Variants in VWA5B1 observed in about 807,000 individuals in gnomAD.
VWA5B1 encodes von Willebrand factor A domain-containing protein 5B1.
Under a neutral mutation model 118.2 loss-of-function variants are expected in VWA5B1, and 115 were observed. The observed-to-expected ratio is 0.97, with a 90% CI of 0.84 to 1.14. VWA5B1 has a LOEUF of 1.14. VWA5B1 is among the 50% of genes most tolerant of loss of function. The pLI, the probability that VWA5B1 is intolerant of heterozygous loss-of-function variation, is 0.00. For synonymous variants in VWA5B1, 682 were observed against 658.4 expected, an observed-to-expected ratio of 1.04 and a Z score of -0.55; for missense variants, 1,596 against 1,603.8, an observed-to-expected ratio of 1.00 and a Z score of 0.08.
rs1398771362 is a variant in VWA5B1, at chr1:20,330,763, GC to G, written c.1458-104del. ...CCCTCTCCCTCTACCTGAATATAGG[GC>G]CAGCTCCAAGATCCTGCCAGACCAT... On this transcript the variant is annotated intron_variant, in intron 10 of 21. Coordinates refer to ENST00000289815, the MANE Select transcript of VWA5B1 (RefSeq NM_001039500.3). 4 of 1,159,708 alleles carry G rather than the reference GC, an allele frequency of 3.4e-6. No homozygotes were observed. The East Asian group carries it at 7.7e-5, about 22-fold the overall frequency. The allele number at this position is 1,159,708 out of a possible 1,614,324, so 71.8% of individuals were successfully genotyped here. A position where few individuals can be genotyped will look rare whatever the true frequency, so the allele number is the denominator to read the frequency against.
chr1:20,331,430 C>T (rs1266150673), intron 11 of VWA5B1, among the ~76,000 whole-genome samples: 1 of 152,148 alleles, frequency 6.6e-6, no homozygotes, highest in African/African-American at 2.4e-5. Context: ...CCTTGTCAGT[C>T]CAGTAAACAA....
chr1:20,319,070 T>C (rs550044087), intron 6 of VWA5B1, among the ~76,000 whole-genome samples: 24 of 152,344 alleles, frequency 1.6e-4, no homozygotes, highest in Middle Eastern at 3.4e-3. Flanking sequence ...AATTCTTGTC[T>C]GTTCAAGAAT....
chr1:20,350,703 C>T (rs78253784), intron 19 of VWA5B1, among the ~76,000 whole-genome samples, 154 bp from the exon 20 acceptor site: 8,109 of 152,252 alleles, frequency 0.053, 237 homozygotes, highest in Middle Eastern at 0.092. Flanking sequence ...CCAACTGGAG[C>T]GGAAGGAGCT....
chr1:20,334,621 GCCA>G (rs2089663213), intron 12 of VWA5B1, among the ~76,000 whole-genome samples: 1 of 152,074 alleles, frequency 6.6e-6, no homozygotes, highest in African/African-American at 2.4e-5. Context: ...GACCAGCCTG[GCCA>G]ACATGGTGAA....
chr1:20,309,684 G>A (rs2088783951), intron 1 of VWA5B1, among the ~76,000 whole-genome samples: 2 of 152,186 alleles, frequency 1.3e-5, no homozygotes, highest in South Asian at 4.1e-4. Flanking sequence ...GGGTAGTGGG[G>A]TAGCAGAGAC....
chr1:20,315,851 A>G (rs1287150565), intron 4 of VWA5B1, among the ~76,000 whole-genome samples: 1 of 152,230 alleles, frequency 6.6e-6, no homozygotes, highest in Non-Finnish European at 1.5e-5. Flanking sequence ...GTCTCAGACC[A>G]AAGAGCGCCA....
chr1:20,303,507 T>TC (rs1490932358), intron 1 of VWA5B1, among the ~76,000 whole-genome samples: 2 of 152,146 alleles, frequency 1.3e-5, no homozygotes. Context: ...CATGGGACCT[T>TC]CCCAGCTCAG....
At chr1:20,291,755 C>T (rs2088310650) in intron 1 of VWA5B1, among the ~76,000 whole-genome samples, 1 of 152,180 alleles carries the variant, frequency 6.6e-6, no homozygotes. Context: ...CTTTCCTGAG[C>T]CCCGTGTCTC....
At chr1:20,324,849 A>G (rs1463283694) in intron 8 of VWA5B1, among the ~76,000 whole-genome samples, 1 of 152,192 alleles carries the variant, frequency 6.6e-6, no homozygotes, top group Non-Finnish European at 1.5e-5. Flanking sequence ...GGGGTGTAGT[A>G]GGGCTGATTG....
intron 1 of VWA5B1, among the ~76,000 whole-genome samples, chr1:20,309,885 A>G (rs1467215366): frequency 1.4e-5 from 2 of 139,006 alleles, no homozygotes; most frequent in Admixed American, 7.5e-5. Flanking sequence ...GGGAAGACAC[A>G]TGGGTCTTGG....
Position 20,293,571 on chromosome 1 carries a change from G to A in VWA5B1, c.-27+2483G>A, listed in dbSNP as rs185736452. Among the ~76,000 whole-genome samples the A allele has an allele frequency of 5.9e-4, 90 of 152,308 alleles. 1 individual carries two copies. Among genetic ancestry groups the A allele is most frequent in the African/African-American group, 2.0e-3 (84 of 41,562 alleles). On this transcript the variant is annotated intron_variant, in intron 1 of 21. Coordinates refer to ENST00000289815, the MANE Select transcript of VWA5B1 (RefSeq NM_001039500.3). The stretch of plus-strand genomic sequence containing the variant: ...CAGGCTATACAGACACAGGTTTCTC[G>A]TGGTCTCACAGGCGTCCTTACTCCA...
At chr1:20,299,993 C>T (rs575347537) in intron 1 of VWA5B1, among the ~76,000 whole-genome samples, 5 of 152,282 alleles carry the variant, frequency 3.3e-5, no homozygotes, top group Non-Finnish European at 7.4e-5. Context: ...AGCCTGGGCA[C>T]CTGGACCTCA....
rs866465119 is a variant in VWA5B1, at chr1:20,310,683, G to A, written c.82G>A (p.Ala28Thr). The A allele has an allele frequency of 4.5e-6, 7 of 1,551,150 alleles. No individual in the cohort carries two copies. The highest frequency in any genetic ancestry group is 3.3e-4 in the Middle Eastern group (2 of 5,992). ...TGTTACCTCCTGTGTCAGCGGTTAT[G>A]CCCTGGGCCTAACTGCCTCCCTCAC... ...SDVTSCVSGY[A>T]LGLTASLTYG... The change falls in exon 2 of 22, where the codon GCC (alanine) becomes ACC (threonine). Residue 28 changes from alanine to threonine, a missense_variant. Physicochemically the swap from Ala to Thr is moderately conservative, Grantham distance 58. Coordinates refer to ENST00000289815, the MANE Select transcript of VWA5B1 (RefSeq NM_001039500.3).
chr1:20,350,844 T>C lies in VWA5B1; in HGVS notation c.2954-13T>C, dbSNP rs898735631. ...TCTTCAGGTCTCAACTTGGTCATTCTGTGGCTCTCCAGGTCCCCAGCGCAG... is the reference window on the plus strand; with the variant it reads ...TCTTCAGGTCTCAACTTGGTCATTCCGTGGCTCTCCAGGTCCCCAGCGCAG... On this transcript the variant is annotated splice_polypyrimidine_tract_variant and intron_variant, in intron 19 of 21. Coordinates refer to ENST00000289815, the MANE Select transcript of VWA5B1 (RefSeq NM_001039500.3). 1.1e-5 allele frequency: 17 copies of C among 1,551,654 alleles called. No homozygotes were observed. Among genetic ancestry groups the C allele is most frequent in the Non-Finnish European group, 1.5e-5 (17 of 1,146,970 alleles).
In VWA5B1 at chr1:20,345,446, C is replaced by A; in HGVS notation, c.2627-10C>A. 6.4e-7 allele frequency: 1 copy of A among 1,550,820 alleles called. No homozygotes were observed. Among genetic ancestry groups the A allele is most frequent in the Non-Finnish European group, 8.7e-7 (1 of 1,146,966 alleles). On this transcript the variant is annotated splice_polypyrimidine_tract_variant and intron_variant, in intron 16 of 21. Transcript: ENST00000289815. ...AGTCCAAACAGTGACCCCAGTTTCT[C>A]CCTCCACAGGGTCCAACCGCCGCTA...
chr1:20,303,776 G>C (rs1485884977), intron 1 of VWA5B1, among the ~76,000 whole-genome samples: 3 of 152,130 alleles, frequency 2.0e-5, no homozygotes, highest in African/African-American at 7.2e-5. Flanking sequence ...CCTTCTCCTT[G>C]ACCCCAGGAG....
intron 12 of VWA5B1, 73 bp from the exon 13 acceptor site, chr1:20,336,230 C>T (rs2089711571): frequency 1.6e-6 from 2 of 1,260,530 alleles, no homozygotes; most frequent in Non-Finnish European, 2.0e-6. Context: ...CTGCTCACAC[C>T]CCTTGCTCCC....
At chr1:20,297,992 G>A (rs1371273785) in intron 1 of VWA5B1, among the ~76,000 whole-genome samples, 1 of 121,022 alleles carries the variant, frequency 8.3e-6, no homozygotes, top group African/African-American at 3.0e-5. Context: ...TGACTCGGTG[G>A]TGGATTTTTT....
At chr1:20,303,741 T>TC (rs2100811806) in intron 1 of VWA5B1, among the ~76,000 whole-genome samples, 1 of 151,992 alleles carries the variant, frequency 6.6e-6, no homozygotes, top group East Asian at 1.9e-4. Flanking sequence ...AAAGCAAATA[T>TC]CCCCCAGCAA....
Sources: allele counts gnomAD v4.1 joint callset (sites outside exome capture counted in the v4.1 genomes callset), GRCh38; gene constraint gnomAD v4.1.1; transcripts MANE v1.5; gene names NCBI Gene and HGNC (gene_info 2026-07-23, HGNC 2026-07-21).